The following LHFPL3 variants were observed in gnomAD, a reference collection of about 807,000 sequenced individuals.
The protein encoded by LHFPL3 is LHFPL tetraspan subfamily member 3 protein.
LHFPL3 carries 5 observed loss-of-function variants against 19.3 expected under a neutral mutation model. The observed-to-expected ratio is 0.26, with a 90% CI of 0.14 to 0.54. The LOEUF is 0.54. LHFPL3 is among the 20% of genes least tolerant of loss of function. LHFPL3 has a pLI of 0.94. For synonymous variants in LHFPL3, 133 were observed against 126.2 expected, an observed-to-expected ratio of 1.05 and a Z score of -0.36; for missense variants, 249 against 307.4, an observed-to-expected ratio of 0.81 and a Z score of 1.42.
intron 2 of LHFPL3, among the ~76,000 whole-genome samples, chr7:104,750,703 G>C (rs1388756177): frequency 6.6e-6 from 1 of 152,192 alleles, no homozygotes; most frequent in Non-Finnish European, 1.5e-5. Flanking sequence ...GCTTGTGGCG[G>C]GAGACAATTG....
chr7:104,474,126 A>G (rs567896037), intron 1 of LHFPL3, among the ~76,000 whole-genome samples: 10 of 152,160 alleles, frequency 6.6e-5, no homozygotes, highest in Non-Finnish European at 2.9e-5. Flanking sequence ...AATGAATTCA[A>G]AGACCTCCTG....
At chr7:104,897,198 G>A (rs1792381543) in intron 2 of LHFPL3, among the ~76,000 whole-genome samples, 1 of 152,064 alleles carries the variant, frequency 6.6e-6, no homozygotes, top group African/African-American at 2.4e-5. Flanking sequence ...TGACTGCCAC[G>A]TCATTTGTGG....
At chr7:104,661,698 G>T (rs1792226259) in intron 1 of LHFPL3, among the ~76,000 whole-genome samples, 1 of 152,160 alleles carries the variant, frequency 6.6e-6, no homozygotes, top group Non-Finnish European at 1.5e-5. Flanking sequence ...AAACTAGATA[G>T]ACCATGCAGA....
intron 2 of LHFPL3, among the ~76,000 whole-genome samples, chr7:104,739,665 A>G (rs953730087): frequency 7.2e-5 from 11 of 152,156 alleles, no homozygotes; most frequent in South Asian, 2.1e-4. Flanking sequence ...GAGATGTACA[A>G]TGGTAGTCAA....
chr7:104,527,703 G>T (rs998391990), intron 1 of LHFPL3, among the ~76,000 whole-genome samples: 1 of 152,078 alleles, frequency 6.6e-6, no homozygotes, highest in Non-Finnish European at 1.5e-5. Flanking sequence ...GGGGGAGGAA[G>T]CCCAGGCTAC....
intron 1 of LHFPL3, among the ~76,000 whole-genome samples, chr7:104,591,865 A>T (rs1475063782): frequency 1.3e-5 from 2 of 152,100 alleles, no homozygotes; most frequent in Admixed American, 6.5e-5. Context: ...TTCATTCATT[A>T]GATCTTCAAT....
At chr7:104,816,610 T>C (rs1036856098) in intron 2 of LHFPL3, among the ~76,000 whole-genome samples, 3 of 152,244 alleles carry the variant, frequency 2.0e-5, no homozygotes, top group African/African-American at 4.8e-5. Flanking sequence ...CTTTAGTCTC[T>C]TAAGCCCCAT....
chr7:104,798,569 TAA>T (rs1314005908), intron 2 of LHFPL3, among the ~76,000 whole-genome samples: 1 of 152,198 alleles, frequency 6.6e-6, no homozygotes, highest in Non-Finnish European at 1.5e-5. Context: ...AAAAAAATTA[TAA>T]GTTGGTATCA....
At chr7:104,347,334 A>G (rs1227532386) in intron 1 of LHFPL3, among the ~76,000 whole-genome samples, 3 of 152,124 alleles carry the variant, frequency 2.0e-5, no homozygotes, top group Admixed American at 6.5e-5. Flanking sequence ...AGTCCTTTCC[A>G]TACTAGGCCT....
intron 1 of LHFPL3, among the ~76,000 whole-genome samples, chr7:104,558,748 C>T (rs1203296296): frequency 6.7e-6 from 1 of 149,180 alleles, no homozygotes; most frequent in South Asian, 2.1e-4. Flanking sequence ...ACATGAAGTC[C>T]TTGCCCATGC....
intron 1 of LHFPL3, among the ~76,000 whole-genome samples, chr7:104,380,212 T>C (rs1790801551): frequency 1.3e-5 from 2 of 152,226 alleles, no homozygotes; most frequent in South Asian, 4.1e-4. Context: ...AGTTATCTTA[T>C]GAAGATTCAT....
At chr7:104,342,058 C>CAAA (rs1255604673) in intron 1 of LHFPL3, among the ~76,000 whole-genome samples, 1 of 152,190 alleles carries the variant, frequency 6.6e-6, no homozygotes, top group African/African-American at 2.4e-5. Flanking sequence ...GGAGAAGCTG[C>CAAA]TGTGACTTCC....
At chr7:104,397,712 A>G (rs989301963) in intron 1 of LHFPL3, among the ~76,000 whole-genome samples, 1 of 152,218 alleles carries the variant, frequency 6.6e-6, no homozygotes, top group Non-Finnish European at 1.5e-5. Context: ...TATTTACTAC[A>G]TGAAAGGCAG....
At chr7:104,729,824 A>C (rs1043736123) in intron 1 of LHFPL3, among the ~76,000 whole-genome samples, 3 of 152,020 alleles carry the variant, frequency 2.0e-5, no homozygotes, top group Non-Finnish European at 4.4e-5. Flanking sequence ...TATACATGTG[A>C]CATGTTGGTG....
intron 1 of LHFPL3, among the ~76,000 whole-genome samples, chr7:104,473,448 C>T (rs1170230086): frequency 6.6e-6 from 1 of 152,170 alleles, no homozygotes; most frequent in East Asian, 1.9e-4. Context: ...TTAATTATGC[C>T]TTATTATTAT....
chr7:104,708,112 A>G (rs1362505751), intron 1 of LHFPL3, among the ~76,000 whole-genome samples: 2 of 152,194 alleles, frequency 1.3e-5, no homozygotes, highest in Non-Finnish European at 2.9e-5. Flanking sequence ...GGTGGAAACA[A>G]CCAAATACCC....
chr7:104,600,449 T>C (rs920187455), intron 1 of LHFPL3, among the ~76,000 whole-genome samples: 7 of 152,238 alleles, frequency 4.6e-5, no homozygotes, highest in Admixed American at 6.5e-5. Flanking sequence ...AATAGAATCT[T>C]TACTGTTCAA....
At chr7:104,545,922 A>G (rs1259172211) in intron 1 of LHFPL3, among the ~76,000 whole-genome samples, 1 of 152,204 alleles carries the variant, frequency 6.6e-6, no homozygotes, top group East Asian at 1.9e-4. Flanking sequence ...CAAGGTATAG[A>G]GATGCATTTT....
chr7:104,622,431 T>C (rs1251209527), intron 1 of LHFPL3, among the ~76,000 whole-genome samples: 1 of 152,132 alleles, frequency 6.6e-6, no homozygotes, highest in Non-Finnish European at 1.5e-5. Context: ...ATAATAATAA[T>C]AACAACTTTA....
Sources: allele counts gnomAD v4.1 joint callset (sites outside exome capture counted in the v4.1 genomes callset), GRCh38; gene constraint gnomAD v4.1.1; transcripts MANE v1.5; gene names NCBI Gene and HGNC (gene_info 2026-07-23, HGNC 2026-07-21).